RELN: variants seen among roughly 807,000 people sequenced by gnomAD.
RELN encodes the protein reelin.
Under a neutral mutation model 427.6 loss-of-function variants are expected in RELN, and 108 were observed. That is an observed-to-expected ratio of 0.25 (90% CI 0.22 to 0.30). RELN has a LOEUF of 0.30. Ranked by LOEUF, RELN falls within the 10% of genes least tolerant of loss-of-function variation. The pLI, the probability that RELN is intolerant of heterozygous loss-of-function variation, is 1.00. For synonymous variants in RELN, 1,524 were observed against 1,513.4 expected (o/e 1.01, Z -0.16); for missense variants, 3,715 against 4,302.8 (o/e 0.86, Z 3.82).
intron 41 of RELN, 121 bp downstream of exon 41, chr7:103,550,946 G>T: frequency 1.3e-6 from 1 of 795,928 alleles, no homozygotes; most frequent in Non-Finnish European, 2.1e-6. Flanking sequence ...TGATCTGCTT[G>T]AGAACAGAGG....
chr7:103,718,419 T>C (rs1222018992), intron 8 of RELN, among the ~76,000 whole-genome samples: 3 of 151,290 alleles, frequency 2.0e-5, no homozygotes, highest in African/African-American at 7.3e-5. Flanking sequence ...AGAGAAAAGG[T>C]ACTAATTCTA....
At chr7:103,942,198 A>T (rs4530974) in intron 1 of RELN, among the ~76,000 whole-genome samples, 3 of 151,944 alleles carry the variant, frequency 2.0e-5, no homozygotes, top group Admixed American at 2.0e-4. Context: ...CAAGGATACA[A>T]TAATTAATAG....
intron 3 of RELN, among the ~76,000 whole-genome samples, chr7:103,815,216 C>G (rs1792841537): frequency 1.3e-5 from 2 of 151,030 alleles, no homozygotes; most frequent in South Asian, 4.2e-4. Flanking sequence ...AATTTTTTTT[C>G]CATCTTTAAA....
At chr7:103,669,328 T>C (rs1341086434) in intron 11 of RELN, among the ~76,000 whole-genome samples, 1 of 152,208 alleles carries the variant, frequency 6.6e-6, no homozygotes, top group Non-Finnish European at 1.5e-5. Context: ...TCCTGTTGCT[T>C]TGAATAACTT....
intron 4 of RELN, among the ~76,000 whole-genome samples, chr7:103,756,415 G>A (rs1183871387): frequency 6.6e-6 from 1 of 152,144 alleles, no homozygotes; most frequent in Non-Finnish European, 1.5e-5. Context: ...ATAGCATGCT[G>A]AACTGTTCTC....
At chr7:103,917,923 C>G (rs1795523127) in intron 1 of RELN, among the ~76,000 whole-genome samples, 1 of 152,068 alleles carries the variant, frequency 6.6e-6, no homozygotes. Flanking sequence ...TAATTTCCTG[C>G]TTGACGTAAC....
In RELN at chr7:103,820,553, TA is replaced by T. The variant is rs11407230; in HGVS notation, c.473+12983del. On this transcript the variant is annotated intron_variant, in intron 3 of 64. Coordinates refer to ENST00000428762, the MANE Select transcript of RELN (RefSeq NM_005045.4). ...AAAAGAAAAGAAAAACACTCATTCT[TA>T]AAAAAAAAAAACTATTAATCAAGGA... Among the ~76,000 whole-genome samples, 83 of 148,612 alleles carry T rather than the reference TA, an allele frequency of 5.6e-4. 1 individual carries two copies. Among genetic ancestry groups the T allele is most frequent in the South Asian group, 4.7e-3 (22 of 4,700 alleles).
intron 28 of RELN, among the ~76,000 whole-genome samples, chr7:103,588,698 C>T (rs534507172): frequency 1.3e-5 from 2 of 152,160 alleles, no homozygotes; most frequent in Admixed American, 1.3e-4. Flanking sequence ...GATTTTCAGA[C>T]AGCATATCCC....
Position 103,635,193 on chromosome 7 carries a change from T to C in RELN, c.2465+232A>G, listed in dbSNP as rs1189302619. Among the ~76,000 whole-genome samples the C allele has an allele frequency of 2.0e-5, 3 of 152,154 alleles. No homozygotes were observed. The East Asian group carries it at 5.8e-4, about 29-fold the overall frequency. ...CTTGATGCTTATAAGCATCAAAATA[T>C]TTCCCTTAGATCCATATTTAAAACT... On this transcript the variant is annotated intron_variant, in intron 19 of 64. Transcript: ENST00000428762.
At chr7:103,720,595 T>C (rs1042057426) in intron 8 of RELN, among the ~76,000 whole-genome samples, 1 of 152,210 alleles carries the variant, frequency 6.6e-6, no homozygotes, top group African/African-American at 2.4e-5. Flanking sequence ...CAAGGAAATG[T>C]AAATGTTGAA....
intron 4 of RELN, among the ~76,000 whole-genome samples, chr7:103,766,833 A>C (rs1027012536): frequency 6.6e-6 from 1 of 152,248 alleles, no homozygotes; most frequent in Non-Finnish European, 1.5e-5. Context: ...AAAGCAGCCA[A>C]GGTTTTCTGC....
At chr7:103,828,393 C>G (rs1584274037) in intron 3 of RELN, among the ~76,000 whole-genome samples, 1 of 79,608 alleles carries the variant, frequency 1.3e-5, no homozygotes, top group Middle Eastern at 5.3e-3. Context: ...ATATGATCCT[C>G]CTGTGAGTGA....
At chr7:103,652,832 A>T in intron 13 of RELN, 73 bp from the exon 14 acceptor site, 1 of 1,345,388 alleles carries the variant, frequency 7.4e-7, no homozygotes, top group Non-Finnish European at 1.1e-6. Flanking sequence ...CCTAGATTTG[A>T]CCTAATGAAC....
Position 103,626,221 on chromosome 7 carries a change from G to A in RELN, c.2702+3719C>T, listed in dbSNP as rs1345920136. 1.3e-5 allele frequency among the ~76,000 whole-genome samples: 2 copies of A among 152,070 alleles called. No individual in the cohort carries two copies. The highest frequency in any genetic ancestry group is 1.3e-4 in the Admixed American group (2 of 15,260). ...AAATTATCTGGCTTTAATTTTACAA[G>A]CTTCTAAGTGGCAGTGTGAGAATTT... On this transcript the variant is annotated intron_variant, in intron 20 of 64. Transcript: ENST00000428762. The surrounding 1 kb of genome is among the most constrained non-coding windows in gnomAD (Gnocchi z 4.4).
intron 28 of RELN, among the ~76,000 whole-genome samples, chr7:103,584,483 G>T (rs1238252964): frequency 2.0e-5 from 3 of 152,068 alleles, no homozygotes; most frequent in Admixed American, 1.3e-4. Flanking sequence ...ATTATATAAT[G>T]GTAAAGAGTT....
chr7:103,483,412 TTTAGTTA>T lies in RELN; in HGVS notation c.10181+234_10181+240del, dbSNP rs1158635460. Among the ~76,000 whole-genome samples, 16 of 152,180 alleles carry T rather than the reference TTTAGTTA, an allele frequency of 1.1e-4. 2 individuals carry two copies. The South Asian group carries it at 2.1e-3, about 20-fold the overall frequency. ...GAAATCGGCAAAAACTGCCCTTGCG[TTTAGTTA>T]TTATTGTCTATTCCCTCTTGTCCTT... On this transcript the variant is annotated intron_variant, in intron 62 of 64. Coordinates refer to ENST00000428762, the MANE Select transcript of RELN (RefSeq NM_005045.4).
chr7:103,930,108 G>C (rs1479732242), intron 1 of RELN, among the ~76,000 whole-genome samples: 1 of 152,154 alleles, frequency 6.6e-6, no homozygotes, highest in Non-Finnish European at 1.5e-5. Flanking sequence ...ATAAACAACA[G>C]ACATTTATTT....
chr7:103,872,963 G>T (rs1584319214), intron 2 of RELN, among the ~76,000 whole-genome samples: 1 of 151,502 alleles, frequency 6.6e-6, no homozygotes, highest in East Asian at 2.0e-4. Context: ...CTGGATATTA[G>T]CCCTTTGTCA....
intron 11 of RELN, among the ~76,000 whole-genome samples, chr7:103,670,749 G>C (rs1833373639): frequency 2.6e-5 from 4 of 152,010 alleles, no homozygotes; most frequent in African/African-American, 9.6e-5. Context: ...TCTCATTATA[G>C]GTTGATGAAA....
Sources: allele counts gnomAD v4.1 joint callset (sites outside exome capture counted in the v4.1 genomes callset), GRCh38; gene constraint gnomAD v4.1.1; non-coding constraint Gnocchi (gnomAD v3.1); transcripts MANE v1.5; gene names NCBI Gene and HGNC (gene_info 2026-07-23, HGNC 2026-07-21).